The following PHACTR4 variants were observed in gnomAD, a reference collection of about 807,000 sequenced individuals.
PHACTR4 encodes phosphatase and actin regulator 4.
In PHACTR4, 51 loss-of-function variants were observed where a neutral mutation model predicts 72.7. That is an observed-to-expected ratio of 0.70 (90% CI 0.56 to 0.89). PHACTR4 has a LOEUF of 0.89. Ranked by LOEUF, PHACTR4 falls within the 40% of genes least tolerant of loss-of-function variation. The probability of loss-of-function intolerance (pLI) is 0.00; values close to 1 mark genes in which losing one functional copy is unlikely to be tolerated. For synonymous variants in PHACTR4, 255 were observed against 302.5 expected (o/e 0.84, Z 1.63); for missense variants, 731 against 861.8 (o/e 0.85, Z 1.90).
intron 13 of PHACTR4, among the ~76,000 whole-genome samples, chr1:28,494,510 C>T (rs184734974): frequency 6.6e-6 from 1 of 152,022 alleles, no homozygotes; most frequent in Non-Finnish European, 1.5e-5. Flanking sequence ...AAAAATTAGC[C>T]GGGCATGGTG....
At chr1:28,427,967 C>T (rs1368673362) in intron 2 of PHACTR4, among the ~76,000 whole-genome samples, 1 of 152,190 alleles carries the variant, frequency 6.6e-6, no homozygotes, top group East Asian at 1.9e-4. Context: ...ATGGTCACTA[C>T]CCTTTCCATA....
In PHACTR4 at chr1:28,496,880, C is replaced by A. The variant is rs1661392367; in HGVS notation, c.*331C>A. On this transcript the variant is annotated 3_prime_UTR_variant, in exon 14 of 14. Coordinates refer to ENST00000373839, the MANE Select transcript of PHACTR4 (RefSeq NM_001048183.3). ...CCACACCCCTTCCCCTAGATGACTG[C>A]CTGTGCAGAGACACAGTTTGCACCA... is the stretch of plus-strand genomic sequence containing the variant. 1.2e-5 allele frequency: 5 copies of A among 422,840 alleles called. No individual in the cohort carries two copies. In the East Asian group the frequency reaches 2.4e-4, roughly 21 times the overall value. The allele number at this position is 422,840 out of a possible 1,614,324, so 26.2% of individuals were successfully genotyped here.
intron 1 of PHACTR4, among the ~76,000 whole-genome samples, chr1:28,395,258 G>A (rs1242759361): frequency 3.0e-4 from 2 of 6,692 alleles, no homozygotes; most frequent in East Asian, 0.5. Flanking sequence ...TCCTCAAAAT[G>A]TGATACATAA....
At chr1:28,414,089 C>T (rs1654947319) in intron 2 of PHACTR4, among the ~76,000 whole-genome samples, 1 of 151,896 alleles carries the variant, frequency 6.6e-6, no homozygotes, top group African/African-American at 2.4e-5. Context: ...TTATTTTTAT[C>T]TTTTGAGATG....
intron 1 of PHACTR4, among the ~76,000 whole-genome samples, chr1:28,384,030 T>G (rs1569765241): frequency 6.6e-6 from 1 of 152,168 alleles, no homozygotes; most frequent in Non-Finnish European, 1.5e-5. Context: ...TTGTGGTGGG[T>G]AAGCTTTTTG....
In PHACTR4 at chr1:28,393,680, T is replaced by TACAC. The variant is rs146829996; in HGVS notation, c.-38-13714_-38-13711dup. 1.9e-3 allele frequency among the ~76,000 whole-genome samples: 290 copies of TACAC among 151,268 alleles called. 1 individual carries two copies. The highest frequency in any genetic ancestry group is 2.8e-3 in the Non-Finnish European group (192 of 67,752). On this transcript the variant is annotated intron_variant, in intron 1 of 13. Transcript: ENST00000373839. The stretch of plus-strand genomic sequence containing the variant: ...TTTAATTGTTAGTGTGTATTCCTTC[T>TACAC]ACACACACACACACACACATATTTT...
chr1:28,369,842 A>C lies in PHACTR4; in HGVS notation c.-39+17A>C. On this transcript the variant is annotated intron_variant, in intron 1 of 13. Transcript: ENST00000373839. Reference sequence around the variant, plus strand: ...GAGATCTGGGTAAGTTCAGCGAGCAAGGGAAAGTGAGCAGGACGCGCTCAG... The same window carrying C: ...GAGATCTGGGTAAGTTCAGCGAGCACGGGAAAGTGAGCAGGACGCGCTCAG... 2 of 444,982 alleles carry C rather than the reference A, an allele frequency of 4.5e-6. No homozygotes were observed. Among genetic ancestry groups the C allele is most frequent in the Non-Finnish European group, 9.0e-6 (2 of 222,368 alleles). 27.6% of individuals were successfully genotyped at this position (444,982 alleles called of 1,614,324 possible).
At chr1:28,437,552 T>G (rs1042403401) in intron 2 of PHACTR4, among the ~76,000 whole-genome samples, 3 of 152,160 alleles carry the variant, frequency 2.0e-5, no homozygotes, top group Non-Finnish European at 4.4e-5. Context: ...TTCTAACAGT[T>G]CTGGATACTG....
At chr1:28,446,758 A>G (rs548897276) in intron 2 of PHACTR4, among the ~76,000 whole-genome samples, 16 of 152,076 alleles carry the variant, frequency 1.1e-4, no homozygotes, top group African/African-American at 3.9e-4. Flanking sequence ...CAGCCTGGGC[A>G]ACAGAGTGAG....
intron 2 of PHACTR4, among the ~76,000 whole-genome samples, chr1:28,414,177 A>G (rs1264386223): frequency 1.3e-5 from 2 of 151,810 alleles, no homozygotes; most frequent in African/African-American, 4.8e-5. Flanking sequence ...CTGGGTTCAA[A>G]TGATTCTCCT....
chr1:28,463,131 T>C (rs2124477345), intron 4 of PHACTR4, among the ~76,000 whole-genome samples: 1 of 151,770 alleles, frequency 6.6e-6, no homozygotes, highest in East Asian at 1.9e-4. Context: ...CCCAGAAGAT[T>C]GAAGGCTGCA....
Position 28,480,490 on chromosome 1 carries a change from C to T in PHACTR4, c.1646C>T (p.Ala549Val). The T allele has an allele frequency of 6.2e-7, 1 of 1,614,122 alleles. No individual in the cohort carries two copies. The highest frequency in any genetic ancestry group is 8.5e-7 in the Non-Finnish European group (1 of 1,180,018). The change falls in exon 9 of 14, where the codon GCA (alanine) becomes GTA (valine). Residue 549 changes from alanine to valine, a missense_variant. By Grantham distance (64) the Ala-to-Val change is moderately conservative (BLOSUM62 0). This residue lies in a region of PHACTR4 where 621 missense variants were observed against 676.6 expected (regional missense o/e 0.92). Coordinates refer to ENST00000373839, the MANE Select transcript of PHACTR4 (RefSeq NM_001048183.3). The stretch of plus-strand genomic sequence containing the variant: ...AAAGTGAAGAGGAAAGACACACTGG[C>T]AATGAAGTTGAACCACAGACCCAGT... The part of the protein sequence containing the change: ...ANKVKRKDTL[A>V]MKLNHRPSEP...
chr1:28,394,373 GA>G (rs551805558), intron 1 of PHACTR4, among the ~76,000 whole-genome samples: 2 of 151,302 alleles, frequency 1.3e-5, no homozygotes, highest in African/African-American at 2.4e-5. Flanking sequence ...AAGAAAAAAA[GA>G]AAAAAAAGAA....
chr1:28,373,218 G>A (rs565009583), intron 1 of PHACTR4, among the ~76,000 whole-genome samples: 1 of 152,132 alleles, frequency 6.6e-6, no homozygotes, highest in African/African-American at 2.4e-5. Flanking sequence ...CTTAGCCTCC[G>A]AGAGTGCTGG....
intron 2 of PHACTR4, among the ~76,000 whole-genome samples, chr1:28,411,402 T>C (rs1654780745): frequency 6.6e-6 from 1 of 152,206 alleles, no homozygotes; most frequent in East Asian, 1.9e-4. Context: ...ATTCATTCAA[T>C]CATAATATGG....
intron 2 of PHACTR4, 110 bp downstream of exon 2, chr1:28,407,573 C>G (rs1654446420): frequency 1.2e-6 from 1 of 831,340 alleles, no homozygotes; most frequent in Non-Finnish European, 1.9e-6. Flanking sequence ...ATGCTACTCT[C>G]TAGAATAATG....
chr1:28,383,257 G>T (rs1414727476), intron 1 of PHACTR4, among the ~76,000 whole-genome samples: 1 of 152,086 alleles, frequency 6.6e-6, no homozygotes, highest in East Asian at 1.9e-4. Context: ...ATTGGTTACT[G>T]TAGCCCTGTG....
intron 2 of PHACTR4, chr1:28,453,472 G>C (rs1658127663): frequency 2.7e-6 from 1 of 373,768 alleles, no homozygotes; most frequent in Non-Finnish European, 4.9e-6. Flanking sequence ...CATAGATTGA[G>C]GTCTGTAGCT....
intron 2 of PHACTR4, among the ~76,000 whole-genome samples, chr1:28,410,188 G>A (rs866628249): frequency 2.6e-5 from 4 of 151,916 alleles, no homozygotes. Flanking sequence ...GGATGATCTC[G>A]AGCTCCTGAC....
Sources: gnomAD v4.1 joint callset for allele counts (sites outside exome capture counted in the v4.1 genomes callset) on GRCh38, gnomAD v4.1.1 for gene constraint, gnomAD v4.1.1 regional missense constraint, MANE v1.5 for transcripts, NCBI Gene and HGNC (gene_info 2026-07-23, HGNC 2026-07-21) for gene names.